Variants in MCTP1 observed in about 807,000 individuals in gnomAD.
The protein encoded by MCTP1 is multiple C2 and transmembrane domain-containing protein 1.
Under a neutral mutation model 120.6 loss-of-function variants are expected in MCTP1, and 69 were observed. The ratio of observed to expected loss-of-function variants is 0.57; its 90% CI spans 0.47 to 0.70. MCTP1 has a LOEUF of 0.70. Among genes scored for constraint, MCTP1 ranks in the 30% least tolerant of loss-of-function variants. The pLI, the probability that MCTP1 is intolerant of heterozygous loss-of-function variation, is 0.00. For missense variants in MCTP1, 1,203 were observed against 1,248.8 expected, an observed-to-expected ratio of 0.96 and a Z score of 0.55; for synonymous variants, 529 against 493.1, an observed-to-expected ratio of 1.07 and a Z score of -0.96.
intron 1 of MCTP1, among the ~76,000 whole-genome samples, chr5:95,160,772 C>G (rs1223076987): frequency 6.6e-6 from 1 of 151,828 alleles, no homozygotes; most frequent in African/African-American, 2.4e-5. Flanking sequence ...AACAAATAAC[C>G]TAATCAAATA....
chr5:95,175,538 C>G (rs1312412822), intron 1 of MCTP1, among the ~76,000 whole-genome samples: 1 of 152,122 alleles, frequency 6.6e-6, no homozygotes, highest in Non-Finnish European at 1.5e-5. Flanking sequence ...AAAGAATATC[C>G]AAAGTAAATT....
chr5:94,872,693 T>C (rs1168488971), intron 13 of MCTP1, among the ~76,000 whole-genome samples: 1 of 152,102 alleles, frequency 6.6e-6, no homozygotes, highest in Non-Finnish European at 1.5e-5. Context: ...CAATACTTAA[T>C]ATTCTCATTG....
intron 1 of MCTP1, among the ~76,000 whole-genome samples, chr5:95,207,513 A>C (rs1562237429): frequency 6.6e-6 from 1 of 152,336 alleles, no homozygotes; most frequent in South Asian, 2.1e-4. Context: ...TAAATTGATC[A>C]GAGTTTGGAC....
rs147080559 is a variant in MCTP1, at chr5:95,222,361, T to C, written c.720+61495A>G. ...GGGATTCTGTTATATCTATACTGAA[T>C]TAAAAAAGAGAGACTAGATACTGGA... On this transcript the variant is annotated intron_variant, in intron 1 of 22. Coordinates refer to ENST00000515393, the MANE Select transcript of MCTP1 (RefSeq NM_024717.7). 6.3e-3 allele frequency among the ~76,000 whole-genome samples: 959 copies of C among 152,346 alleles called. 13 individuals carry two copies. The highest frequency in any genetic ancestry group is 0.022 in the African/African-American group (904 of 41,578).
At chr5:94,723,049 T>A (rs1761267979) in intron 19 of MCTP1, among the ~76,000 whole-genome samples, 1 of 152,210 alleles carries the variant, frequency 6.6e-6, no homozygotes, top group Non-Finnish European at 1.5e-5. Flanking sequence ...TGTGCCAATC[T>A]TTCTTCTTTT....
chr5:94,978,892 G>A (rs1828752878), intron 2 of MCTP1: 3 of 151,774 alleles, frequency 2.0e-5, no homozygotes. Context: ...AAAAAACCAA[G>A]ATCATTGGGT....
intron 12 of MCTP1, chr5:94,877,633 C>T (rs564243095): frequency 1.3e-5 from 2 of 152,184 alleles, no homozygotes; most frequent in African/African-American, 2.4e-5. Flanking sequence ...CACTGACTGG[C>T]TAATTCTCTC....
At chr5:94,937,539 A>T (rs535340830) in intron 5 of MCTP1, among the ~76,000 whole-genome samples, 1 of 152,198 alleles carries the variant, frequency 6.6e-6, no homozygotes, top group South Asian at 2.1e-4. Context: ...CTTACTAATG[A>T]TCAGCTCCCA....
intron 1 of MCTP1, among the ~76,000 whole-genome samples, chr5:95,097,395 T>G (rs1288183405): frequency 6.6e-6 from 1 of 152,166 alleles, no homozygotes; most frequent in Non-Finnish European, 1.5e-5. Context: ...AGGGGAAGAT[T>G]GTAAGATTGA....
intron 5 of MCTP1, among the ~76,000 whole-genome samples, chr5:94,938,519 A>G (rs1036900574): frequency 3.3e-5 from 5 of 151,934 alleles, no homozygotes; most frequent in Non-Finnish European, 7.4e-5. Flanking sequence ...CTCAGGTCTT[A>G]TTTGGCTTCC....
chr5:95,046,407 TAGAA>T (rs1174252623), intron 1 of MCTP1, among the ~76,000 whole-genome samples: 3 of 152,194 alleles, frequency 2.0e-5, no homozygotes, highest in Non-Finnish European at 2.9e-5. Context: ...ATAGAGCTCT[TAGAA>T]ATAAATGTTT....
intron 19 of MCTP1, among the ~76,000 whole-genome samples, chr5:94,743,273 T>C (rs1580423445): frequency 1.3e-5 from 2 of 151,664 alleles, no homozygotes; most frequent in South Asian, 4.2e-4. Flanking sequence ...GTATTAAATG[T>C]TGAACTTATT....
At chr5:94,952,126 C>G (rs955381340) in intron 3 of MCTP1, among the ~76,000 whole-genome samples, 1 of 141,024 alleles carries the variant, frequency 7.1e-6, no homozygotes, top group Non-Finnish European at 1.5e-5. Flanking sequence ...GAGCCAAGAT[C>G]GTGCCACTGC....
chr5:94,968,965 C>T (rs1312478730), intron 2 of MCTP1, among the ~76,000 whole-genome samples: 3 of 152,138 alleles, frequency 2.0e-5, no homozygotes, highest in African/African-American at 7.2e-5. Flanking sequence ...CAAGAACAAC[C>T]TTTCACATAT....
At chr5:95,163,457 C>G (rs1421429258) in intron 1 of MCTP1, among the ~76,000 whole-genome samples, 1 of 152,126 alleles carries the variant, frequency 6.6e-6, no homozygotes, top group Non-Finnish European at 1.5e-5. Flanking sequence ...TTGGTTCATT[C>G]TTGCTGAGAA....
rs147571329 is a variant in MCTP1, at chr5:94,731,729, C to T, written c.2611-16843G>A. ...TTATGAATTAGATGATTTATCTGAG[C>T]CAAACTGCTGCTATGTAGAAATACA... On this transcript the variant is annotated intron_variant, in intron 19 of 22. Transcript: ENST00000515393. Among the ~76,000 whole-genome samples, 449 of 152,234 alleles carry T rather than the reference C, an allele frequency of 2.9e-3. 3 individuals carry two copies. The highest frequency in any genetic ancestry group is 0.014 in the Middle Eastern group (4 of 294).
chr5:94,773,809 C>T (rs1157290269), intron 19 of MCTP1, among the ~76,000 whole-genome samples: 2 of 152,142 alleles, frequency 1.3e-5, no homozygotes, highest in Non-Finnish European at 2.9e-5. Context: ...CAGGAAAGAT[C>T]CACTCCATGA....
chr5:94,803,184 T>C (rs959959147), intron 17 of MCTP1, among the ~76,000 whole-genome samples: 10 of 152,218 alleles, frequency 6.6e-5, no homozygotes, highest in African/African-American at 2.4e-4. Flanking sequence ...TTTTAATCAT[T>C]ATATGGCTGT....
chr5:94,844,725 C>G (rs1268191098), intron 17 of MCTP1, among the ~76,000 whole-genome samples: 1 of 152,190 alleles, frequency 6.6e-6, no homozygotes, highest in Admixed American at 6.5e-5. Context: ...ACAAGTTTTA[C>G]TTTATATTGA....
Sources: allele counts gnomAD v4.1 joint callset (sites outside exome capture counted in the v4.1 genomes callset), GRCh38; gene constraint gnomAD v4.1.1; transcripts MANE v1.5; gene names NCBI Gene and HGNC (gene_info 2026-07-23, HGNC 2026-07-21).